The following GABRG3 variants were observed in gnomAD, a reference collection of about 807,000 sequenced individuals.
GABRG3 encodes gamma-aminobutyric acid type A receptor subunit gamma3.
GABRG3 carries 25 observed loss-of-function variants against 48.8 expected under a neutral mutation model. The ratio of observed to expected loss-of-function variants is 0.51; its 90% CI spans 0.37 to 0.72. GABRG3 has a LOEUF of 0.72. Among genes scored for constraint, GABRG3 ranks in the 30% least tolerant of loss-of-function variants. The pLI, the probability that GABRG3 is intolerant of heterozygous loss-of-function variation, is 0.00. For missense variants in GABRG3, 394 were observed against 577.9 expected (o/e 0.68, Z 3.26); for synonymous variants, 227 against 217.6 (o/e 1.04, Z -0.38).
At chr15:27,243,828 T>G (rs1890198393) in intron 3 of GABRG3, among the ~76,000 whole-genome samples, 1 of 152,236 alleles carries the variant, frequency 6.6e-6, no homozygotes, top group African/African-American at 2.4e-5. Flanking sequence ...AGGACCCCAA[T>G]CATGGTTTTT....
intron 6 of GABRG3, among the ~76,000 whole-genome samples, chr15:27,485,460 G>A (rs1890198877): frequency 6.6e-6 from 1 of 152,134 alleles, no homozygotes; most frequent in Non-Finnish European, 1.5e-5. Flanking sequence ...GTTGCACCAG[G>A]AGGGGGCGTC....
intron 3 of GABRG3, among the ~76,000 whole-genome samples, chr15:27,307,217 A>T (rs1349713459): frequency 7.2e-6 from 1 of 138,026 alleles, no homozygotes; most frequent in Non-Finnish European, 1.6e-5. Flanking sequence ...ATGTTTATAT[A>T]TAACCATGTT....
At chr15:27,357,745 A>T (rs1894889620) in intron 5 of GABRG3, among the ~76,000 whole-genome samples, 4 of 152,212 alleles carry the variant, frequency 2.6e-5, no homozygotes, top group Admixed American at 2.6e-4. Context: ...TGAGCTGGAT[A>T]TGAAAATGGA....
chr15:27,144,423 A>G (rs1898160606), intron 3 of GABRG3, among the ~76,000 whole-genome samples: 1 of 152,180 alleles, frequency 6.6e-6, no homozygotes, highest in African/African-American at 2.4e-5. Context: ...TCAGGAAACC[A>G]CCATTCAAAG....
intron 5 of GABRG3, among the ~76,000 whole-genome samples, chr15:27,440,267 A>G (rs1410139219): frequency 1.3e-5 from 2 of 152,322 alleles, no homozygotes; most frequent in Middle Eastern, 6.8e-3. Context: ...GCTGCGGAGG[A>G]TATTCCTGAG....
At chr15:27,330,798 T>C (rs1028326854) in intron 5 of GABRG3, among the ~76,000 whole-genome samples, 1 of 152,204 alleles carries the variant, frequency 6.6e-6, no homozygotes, top group African/African-American at 2.4e-5. Flanking sequence ...TCTGGCATAG[T>C]AGTAAAAATG....
In GABRG3 at chr15:26,974,963, T is replaced by C. The variant is rs536190908; in HGVS notation, c.54-2039T>C. Among the ~76,000 whole-genome samples, 2 of 151,570 alleles carry C rather than the reference T, an allele frequency of 1.3e-5. No individual in the cohort carries two copies. The highest frequency in any genetic ancestry group is 4.2e-4 in the South Asian group (2 of 4,788). ...ATCTCGGCTCACTGCAACCTCTGCC[T>C]CCTGGGTTCAAGCAATTCTCTTGCC... On this transcript the variant is annotated intron_variant, in intron 1 of 9. Transcript: ENST00000615808. The surrounding 1 kb of genome is among the most constrained non-coding windows in gnomAD (Gnocchi z 4.3).
At chr15:27,263,804 T>A (rs1890833993) in intron 3 of GABRG3, among the ~76,000 whole-genome samples, 1 of 152,020 alleles carries the variant, frequency 6.6e-6, no homozygotes, top group East Asian at 2.0e-4. Context: ...AAAACGCCTG[T>A]AGTCCCCGCT....
rs1461389709 is a variant in GABRG3 at position 27,352,664 on chromosome 15, C to A, written c.574+23776C>A. Among the ~76,000 whole-genome samples the A allele has an allele frequency of 6.6e-6, 1 of 152,128 alleles. No homozygotes were observed. ...AAGCCCCCTGCCAAGGCAGCAGCCA[C>A]ATACCAAACCGTTGGGTGATATCGG... On this transcript the variant is annotated intron_variant, in intron 5 of 9. Transcript: ENST00000615808. The surrounding 1 kb of genome is among the most constrained non-coding windows in gnomAD (Gnocchi z 4.0).
At chr15:27,124,344 G>A (rs1267125838) in intron 3 of GABRG3, among the ~76,000 whole-genome samples, 1 of 152,142 alleles carries the variant, frequency 6.6e-6, no homozygotes, top group African/African-American at 2.4e-5. Context: ...GCCCTGTGAG[G>A]TCTGATTACA....
intron 3 of GABRG3, among the ~76,000 whole-genome samples, chr15:27,159,496 G>C (rs967523051): frequency 3.6e-4 from 55 of 151,654 alleles, no homozygotes; most frequent in Non-Finnish European, 7.2e-4. Context: ...AAAAAAAAGT[G>C]CAGCTCCCTC....
At chr15:27,177,152 A>G (rs986142387) in intron 3 of GABRG3, among the ~76,000 whole-genome samples, 1 of 152,126 alleles carries the variant, frequency 6.6e-6, no homozygotes, top group Non-Finnish European at 1.5e-5. Flanking sequence ...CAGGAGTGGC[A>G]ACACTGTCTT....
At chr15:27,407,334 A>G (rs1474384730) in intron 5 of GABRG3, among the ~76,000 whole-genome samples, 1 of 152,210 alleles carries the variant, frequency 6.6e-6, no homozygotes, top group Admixed American at 6.5e-5. Flanking sequence ...AAGGATATGG[A>G]GCAGCAGGAA....
chr15:27,482,458 C>T (rs1340032873), intron 6 of GABRG3, among the ~76,000 whole-genome samples: 1 of 137,210 alleles, frequency 7.3e-6, no homozygotes, highest in African/African-American at 2.5e-5. Context: ...TCATGAAACA[C>T]CATTGCTTGC....
intron 3 of GABRG3, among the ~76,000 whole-genome samples, chr15:27,128,128 C>T (rs1188277427): frequency 6.6e-6 from 1 of 152,142 alleles, no homozygotes; most frequent in African/African-American, 2.4e-5. Flanking sequence ...TTGGGAGGCC[C>T]AGGAGGGAGC....
At chr15:27,235,985 G>C (rs1220455572) in intron 3 of GABRG3, among the ~76,000 whole-genome samples, 1 of 152,156 alleles carries the variant, frequency 6.6e-6, no homozygotes, top group African/African-American at 2.4e-5. Context: ...TAGAAGTAAA[G>C]TTCTCTACAA....
intron 3 of GABRG3, among the ~76,000 whole-genome samples, chr15:27,045,863 G>A (rs1896353928): frequency 6.6e-6 from 1 of 152,150 alleles, no homozygotes; most frequent in Non-Finnish European, 1.5e-5. Context: ...TCACTTTGCA[G>A]CAAAACCAAG....
intron 5 of GABRG3, among the ~76,000 whole-genome samples, chr15:27,385,837 C>G (rs111478179): frequency 5.0e-4 from 76 of 152,106 alleles, no homozygotes; most frequent in Non-Finnish European, 8.8e-5. Flanking sequence ...ATAATATCTT[C>G]TTTGTAGTCT....
chr15:26,996,833 T>A (rs990453152), intron 2 of GABRG3, among the ~76,000 whole-genome samples: 1 of 151,926 alleles, frequency 6.6e-6, no homozygotes, highest in Non-Finnish European at 1.5e-5. Context: ...TGTATTTTTT[T>A]AGTAGAGACG....
Sources: gnomAD v4.1 joint callset for allele counts (sites outside exome capture counted in the v4.1 genomes callset) on GRCh38, gnomAD v4.1.1 for gene constraint, Gnocchi (gnomAD v3.1) non-coding constraint, MANE v1.5 for transcripts, NCBI Gene and HGNC (gene_info 2026-07-23, HGNC 2026-07-21) for gene names.